FGD4: variants seen among roughly 807,000 people sequenced by gnomAD.
FGD4 encodes FYVE, RhoGEF and PH domain containing 4, also known as FYVE, RhoGEF and PH domain-containing protein 4.
FGD4 carries 42 observed loss-of-function variants against 102.0 expected under a neutral mutation model. The observed-to-expected ratio is 0.41, with a 90% CI of 0.32 to 0.53. The LOEUF is 0.53. Among genes scored for constraint, FGD4 ranks in the 20% least tolerant of loss-of-function variants. FGD4 has a pLI of 0.21. For missense variants in FGD4, 902 were observed against 1,078.2 expected (o/e 0.84, Z 2.29); for synonymous variants, 380 against 375.7 (o/e 1.01, Z -0.13).
At chr12:32,638,886 G>A (rs568447442) in intron 16 of FGD4, 91 bp downstream of exon 16, 60 of 1,591,192 alleles carry the variant, frequency 3.8e-5, no homozygotes, top group Non-Finnish European at 4.8e-5. Context: ...TAGAACAAGA[G>A]TTCAGGCAGT....
At chr12:32,424,944 TAAG>T (rs1433268974) in intron 1 of FGD4, among the ~76,000 whole-genome samples, 1 of 152,234 alleles carries the variant, frequency 6.6e-6, no homozygotes, top group African/African-American at 2.4e-5. Flanking sequence ...TAAATTTGTT[TAAG>T]TTCTTTGTAG....
At chr12:32,524,202 C>T (rs1592101080) in intron 1 of FGD4, among the ~76,000 whole-genome samples, 1 of 151,274 alleles carries the variant, frequency 6.6e-6, no homozygotes, top group East Asian at 2.0e-4. Flanking sequence ...CGAGACCATC[C>T]TGGCTAACAC....
At chr12:32,624,769 C>T (rs1950050210) in intron 12 of FGD4, 1 of 626,288 alleles carries the variant, frequency 1.6e-6, no homozygotes, top group African/African-American at 1.8e-5. Context: ...CCACCACGCC[C>T]AGCTTATTTT....
chr12:32,507,163 A>G (rs1938853552), intron 1 of FGD4, among the ~76,000 whole-genome samples: 3 of 143,246 alleles, frequency 2.1e-5, no homozygotes, highest in African/African-American at 7.9e-5. Flanking sequence ...CCCATCTATG[A>G]GTGAGAACAT....
At chr12:32,470,460 T>G (rs1943385608) in intron 1 of FGD4, among the ~76,000 whole-genome samples, 1 of 147,998 alleles carries the variant, frequency 6.8e-6, no homozygotes, top group African/African-American at 2.4e-5. Context: ...CTTTTTTCTT[T>G]TTCTTTTTTT....
intron 1 of FGD4, among the ~76,000 whole-genome samples, chr12:32,531,426 T>C (rs929635940): frequency 1.3e-5 from 2 of 152,184 alleles, no homozygotes; most frequent in Admixed American, 6.5e-5. Flanking sequence ...ACAGTCCCTT[T>C]AGTTCCAAAA....
intron 1 of FGD4, among the ~76,000 whole-genome samples, chr12:32,449,729 A>C (rs1942715825): frequency 6.6e-6 from 1 of 151,840 alleles, no homozygotes; most frequent in Admixed American, 6.6e-5. Flanking sequence ...AGACTATGTA[A>C]CTGTTTCATT....
chr12:32,582,720 A>G, intron 4 of FGD4: 1 of 513,966 alleles, frequency 1.9e-6, no homozygotes. Flanking sequence ...TGGAAACTTT[A>G]ATATAGGAAA....
At chr12:32,620,130 A>C (rs368782273) in intron 11 of FGD4, among the ~76,000 whole-genome samples, 11 of 152,274 alleles carry the variant, frequency 7.2e-5, no homozygotes, top group African/African-American at 2.6e-4. Context: ...AATACAGGGT[A>C]CTCAGAGGAT....
At chr12:32,420,558 T>A (rs773537444) in intron 1 of FGD4, among the ~76,000 whole-genome samples, 5 of 152,178 alleles carry the variant, frequency 3.3e-5, no homozygotes, top group African/African-American at 4.8e-5. Flanking sequence ...AGCCTGGCTT[T>A]CTCCCACATT....
At chr12:32,472,515 G>T (rs892327431) in intron 1 of FGD4, among the ~76,000 whole-genome samples, 1 of 152,240 alleles carries the variant, frequency 6.6e-6, no homozygotes, top group South Asian at 2.1e-4. Flanking sequence ...GCTGGGCCTT[G>T]GCTGCCTTTC....
chr12:32,582,200 C>G lies in FGD4; in HGVS notation c.744C>G (p.Ser248Arg). Residue 248 changes from serine (S) to arginine (R), a missense_variant, in exon 4 of 17, where the codon AGC (serine) becomes AGG (arginine). This residue lies in a region of FGD4 where 443 missense variants were observed against 459.2 expected (regional missense o/e 0.96). Coordinates refer to ENST00000534526, the MANE Select transcript of FGD4 (RefSeq NM_001370298.3). ...AGGAGGAGAAAGCTGCCACTCTTAG[C>G]TCAGATACTTCTATTCAAGCTTCTG... is the stretch of plus-strand genomic sequence containing the variant. ...ECEEEKAATLSSDTSIQASEP... is the reference protein window; with the variant it reads ...ECEEEKAATLRSDTSIQASEP... 1 of 1,614,220 alleles carries G rather than the reference C, an allele frequency of 6.2e-7. No homozygotes were observed. Among genetic ancestry groups the G allele is most frequent in the Non-Finnish European group, 8.5e-7 (1 of 1,180,038 alleles).
At chr12:32,519,496 T>C (rs1474465475) in intron 1 of FGD4, among the ~76,000 whole-genome samples, 7 of 152,170 alleles carry the variant, frequency 4.6e-5, no homozygotes, top group African/African-American at 1.7e-4. Context: ...TTAACTGTCT[T>C]TTAAAATCTT....
intron 7 of FGD4, among the ~76,000 whole-genome samples, chr12:32,602,885 T>A (rs1234091379): frequency 6.6e-6 from 1 of 152,232 alleles, no homozygotes; most frequent in African/African-American, 2.4e-5. Flanking sequence ...CTGTTGTTCC[T>A]TGACTGTCTT....
chr12:32,555,760 C>T lies in FGD4; in HGVS notation c.167-8377C>T, dbSNP rs1028174130. Reference sequence around the variant, plus strand: ...CTAATTTTTGTATTTTTGGTAGAGACGGGGTTTCACCGTGTTAGCCAGGAT... The same window carrying T: ...CTAATTTTTGTATTTTTGGTAGAGATGGGGTTTCACCGTGTTAGCCAGGAT... On this transcript the variant is annotated intron_variant, in intron 1 of 16. Coordinates refer to ENST00000534526, the MANE Select transcript of FGD4 (RefSeq NM_001370298.3). Among the ~76,000 whole-genome samples, 7 of 151,848 alleles carry T rather than the reference C, an allele frequency of 4.6e-5. No homozygotes were observed. The South Asian group carries it at 6.2e-4, about 14-fold the overall frequency.
chr12:32,577,860 G>C (rs978205592), intron 3 of FGD4, among the ~76,000 whole-genome samples: 1 of 152,142 alleles, frequency 6.6e-6, no homozygotes, highest in Non-Finnish European at 1.5e-5. Flanking sequence ...AGGGGCTGGA[G>C]CCCTGATCCC....
rs1389959322 is a variant in FGD4 at position 32,620,525 on chromosome 12, T to C, written c.1922+655T>C. Among the ~76,000 whole-genome samples the C allele has an allele frequency of 2.1e-3, 169 of 81,752 alleles. 6 individuals are homozygous for C. The highest frequency in any genetic ancestry group is 6.4e-3 in the African/African-American group (157 of 24,690). 53.6% of individuals were successfully genotyped at this position (81,752 alleles called of 152,430 possible). The stretch of plus-strand genomic sequence containing the variant: ...CATAACCATTTTTTTTCTTTCTTTT[T>C]TTTTTTTTTTTTTTTTTTGAGATGG... On this transcript the variant is annotated intron_variant, in intron 11 of 16. Coordinates refer to ENST00000534526, the MANE Select transcript of FGD4 (RefSeq NM_001370298.3).
chr12:32,570,031 A>G (rs1375353992), intron 2 of FGD4, among the ~76,000 whole-genome samples: 1 of 152,086 alleles, frequency 6.6e-6, no homozygotes, highest in Non-Finnish European at 1.5e-5. Flanking sequence ...TCACGAGGTC[A>G]GGAGTTCGAG....
At chr12:32,425,474 A>G (rs1941797995) in intron 1 of FGD4, among the ~76,000 whole-genome samples, 1 of 152,190 alleles carries the variant, frequency 6.6e-6, no homozygotes, top group South Asian at 2.1e-4. Flanking sequence ...TGGTTACTGT[A>G]GCCTTGCAGT....
Sources: gnomAD v4.1 joint callset for allele counts (sites outside exome capture counted in the v4.1 genomes callset) on GRCh38, gnomAD v4.1.1 for gene constraint, gnomAD v4.1.1 regional missense constraint, MANE v1.5 for transcripts, NCBI Gene and HGNC (gene_info 2026-07-23, HGNC 2026-07-21) for gene names.